The following FAM117B variants were observed in gnomAD, a reference collection of about 807,000 sequenced individuals.
FAM117B encodes the protein family with sequence similarity 117 member B.
In FAM117B, 22 loss-of-function variants were observed where a neutral mutation model predicts 52.8. That is an observed-to-expected ratio of 0.42 (90% confidence interval 0.30 to 0.59). The LOEUF (loss-of-function observed/expected upper bound fraction) is 0.59. Ranked by LOEUF, FAM117B falls within the 20% of genes least tolerant of loss-of-function variation. The pLI, the probability that FAM117B is intolerant of heterozygous loss-of-function variation, is 0.22. For synonymous variants in FAM117B, 309 were observed against 324.1 expected, an observed-to-expected ratio of 0.95 and a Z score of 0.50; for missense variants, 678 against 802.6, an observed-to-expected ratio of 0.84 and a Z score of 1.88.
chr2:202,737,093 T>C (rs1691452061), intron 4 of FAM117B, among the ~76,000 whole-genome samples: 1 of 152,180 alleles, frequency 6.6e-6, no homozygotes, highest in South Asian at 2.1e-4. Flanking sequence ...GGAAGCTGAC[T>C]GGGCTAGTCA....
intron 2 of FAM117B, among the ~76,000 whole-genome samples, chr2:202,718,091 A>G (rs923314890): frequency 6.6e-6 from 1 of 152,210 alleles, no homozygotes; most frequent in Admixed American, 6.5e-5. Flanking sequence ...TAGTACTGCC[A>G]GGCCACTGCC....
chr2:202,745,983 C>G (rs1287644825), intron 4 of FAM117B, among the ~76,000 whole-genome samples: 2 of 152,052 alleles, frequency 1.3e-5, no homozygotes, highest in African/African-American at 4.8e-5. Flanking sequence ...AGAAATAGAC[C>G]CCAATGCAAT....
chr2:202,756,002 G>A (rs538431287), intron 5 of FAM117B, among the ~76,000 whole-genome samples: 1 of 152,230 alleles, frequency 6.6e-6, no homozygotes, highest in East Asian at 1.9e-4. Context: ...TAATTATGGG[G>A]GGCAGAAGTT....
At chr2:202,734,954 A>C (rs1691416546) in intron 4 of FAM117B, among the ~76,000 whole-genome samples, 1 of 152,246 alleles carries the variant, frequency 6.6e-6, no homozygotes, top group Non-Finnish European at 1.5e-5. Context: ...GAAAATTTCC[A>C]AAAGAGAGCT....
At chr2:202,696,437 A>G (rs1443186632) in intron 2 of FAM117B, among the ~76,000 whole-genome samples, 1 of 152,250 alleles carries the variant, frequency 6.6e-6, no homozygotes, top group Non-Finnish European at 1.5e-5. Context: ...CAAAAAATTC[A>G]TAATGTTTTA....
At chr2:202,742,884 G>T (rs1691571436) in intron 4 of FAM117B, among the ~76,000 whole-genome samples, 1 of 152,172 alleles carries the variant, frequency 6.6e-6, no homozygotes, top group Non-Finnish European at 1.5e-5. Flanking sequence ...GCCCCCACAA[G>T]CACCTCTTGG....
chr2:202,730,703 G>C (rs1212476591), intron 4 of FAM117B, among the ~76,000 whole-genome samples: 2 of 151,958 alleles, frequency 1.3e-5, no homozygotes, highest in Non-Finnish European at 2.9e-5. Context: ...AAATGAAATA[G>C]GATTTTAGAA....
At chr2:202,662,758 T>C (rs13418005) in intron 1 of FAM117B, among the ~76,000 whole-genome samples, 13,652 of 151,870 alleles carry the variant, frequency 0.09, 2,066 homozygotes, top group African/African-American at 0.31. Context: ...GCAGGAGAAT[T>C]GCTTGAACCC....
chr2:202,754,243 G>A lies in FAM117B; in HGVS notation c.961-1295G>A, dbSNP rs997978949. On this transcript the variant is annotated intron_variant, in intron 4 of 7. Coordinates refer to ENST00000392238, the MANE Select transcript of FAM117B (RefSeq NM_173511.4). ...CTTTGCAAGGACATGGATGAAGCTG[G>A]AAGCCATCATCCTTAGCAAACTAAC... Among the ~76,000 whole-genome samples the A allele has an allele frequency of 4.6e-5, 7 of 152,170 alleles. No individual in the cohort carries two copies. The South Asian group carries it at 1.0e-3, about 23-fold the overall frequency.
intron 4 of FAM117B, among the ~76,000 whole-genome samples, chr2:202,750,539 A>C (rs1329356290): frequency 1.3e-5 from 2 of 152,076 alleles, no homozygotes; most frequent in South Asian, 4.1e-4. Flanking sequence ...ACAAAACTCA[A>C]CTACTGCCTT....
At chr2:202,655,707 T>TGAGAGA (rs60423652) in intron 1 of FAM117B, among the ~76,000 whole-genome samples, 290 of 98,774 alleles carry the variant, frequency 2.9e-3, no homozygotes, top group Non-Finnish European at 3.7e-3. Flanking sequence ...GGGAAGAGAG[T>TGAGAGA]GAGAGAGAGA....
chr2:202,749,640 A>G (rs1320836213), intron 4 of FAM117B, among the ~76,000 whole-genome samples: 1 of 152,134 alleles, frequency 6.6e-6, no homozygotes, highest in Non-Finnish European at 1.5e-5. Flanking sequence ...AAAGAAAACA[A>G]TGGCAGTCCA....
At chr2:202,721,473 T>C (rs572120191) in intron 2 of FAM117B, among the ~76,000 whole-genome samples, 3 of 152,306 alleles carry the variant, frequency 2.0e-5, no homozygotes, top group East Asian at 3.9e-4. Flanking sequence ...TTTATGACCA[T>C]AGAGATAACA....
At chr2:202,751,039 A>G (rs2105797538) in intron 4 of FAM117B, among the ~76,000 whole-genome samples, 1 of 152,348 alleles carries the variant, frequency 6.6e-6, no homozygotes, top group East Asian at 1.9e-4. Context: ...TTCTATAAAC[A>G]TAGAATTTAT....
chr2:202,662,163 C>T (rs1434988152), intron 1 of FAM117B, among the ~76,000 whole-genome samples: 3 of 150,858 alleles, frequency 2.0e-5, no homozygotes, highest in South Asian at 2.1e-4. Flanking sequence ...TGTGTGTGTA[C>T]GTGTACAGAC....
chr2:202,749,783 T>C (rs1663143637), intron 4 of FAM117B, among the ~76,000 whole-genome samples: 1 of 151,984 alleles, frequency 6.6e-6, no homozygotes, highest in Non-Finnish European at 1.5e-5. Flanking sequence ...TTTAAAATTA[T>C]TTAAATAAAA....
intron 2 of FAM117B, among the ~76,000 whole-genome samples, chr2:202,715,121 G>GC (rs1448183770): frequency 9.9e-5 from 15 of 151,766 alleles, no homozygotes; most frequent in Admixed American, 2.0e-4. Flanking sequence ...GGGCAGAGGC[G>GC]CCCCCCACCT....
chr2:202,678,991 C>T (rs1001822779), intron 1 of FAM117B, among the ~76,000 whole-genome samples: 5 of 152,154 alleles, frequency 3.3e-5, no homozygotes, highest in Non-Finnish European at 4.4e-5. Context: ...TTCCCAAGGA[C>T]TCTTTTTCCT....
intron 1 of FAM117B, among the ~76,000 whole-genome samples, chr2:202,665,213 G>T (rs555555005): frequency 2.1e-4 from 31 of 148,710 alleles, no homozygotes; most frequent in Admixed American, 4.1e-4. Context: ...ACAGAGTTTC[G>T]TATGCTGCCC....
Sources: allele counts gnomAD v4.1 joint callset (sites outside exome capture counted in the v4.1 genomes callset), GRCh38; gene constraint gnomAD v4.1.1; transcripts MANE v1.5; gene names NCBI Gene and HGNC (gene_info 2026-07-23, HGNC 2026-07-21).